The following TTC4 variants were observed in gnomAD, a reference collection of about 807,000 sequenced individuals.
TTC4 encodes the protein tetratricopeptide repeat domain 4, also known as hsp70/Hsp90 co-chaperone CNS1 homolog.
TTC4 carries 36 observed loss-of-function variants against 51.9 expected under a neutral mutation model. The ratio of observed to expected loss-of-function variants is 0.69; its 90% CI spans 0.53 to 0.92. The LOEUF is 0.92. TTC4 is among the 40% of genes least tolerant of loss of function. The pLI, the probability that TTC4 is intolerant of heterozygous loss-of-function variation, is 0.00. For synonymous variants in TTC4, 144 were observed against 164.2 expected, an observed-to-expected ratio of 0.88 and a Z score of 0.94; for missense variants, 399 against 454.6, an observed-to-expected ratio of 0.88 and a Z score of 1.11.
chr1:54,715,901 C>G lies in TTC4; in HGVS notation c.-8C>G, dbSNP rs763069486. 17 of 1,596,738 alleles carry G rather than the reference C, an allele frequency of 1.1e-5. No individual in the cohort carries two copies. In the African/African-American group the frequency reaches 1.2e-4, roughly 11 times the overall value. On this transcript the variant is annotated 5_prime_UTR_variant, in exon 1 of 10. Coordinates refer to ENST00000371281, the MANE Select transcript of TTC4 (RefSeq NM_004623.5). ...CTGGGACCCGGGCTGGAAGGCAGGG[C>G]ATCAGCTATGGAACAACCTGGGCAG...
At chr1:54,726,743 G>T (rs1041707616) in intron 5 of TTC4, among the ~76,000 whole-genome samples, 4 of 152,124 alleles carry the variant, frequency 2.6e-5, no homozygotes, top group Non-Finnish European at 4.4e-5. Context: ...TTGTTAGATG[G>T]CAATACTCCC....
intron 5 of TTC4, among the ~76,000 whole-genome samples, chr1:54,724,028 C>T (rs1413267896): frequency 6.6e-6 from 1 of 152,218 alleles, no homozygotes; most frequent in Middle Eastern, 3.4e-3. Flanking sequence ...GAATGAATGT[C>T]TAGAGGGCTA....
At chr1:54,716,393 T>C (rs189642828) in intron 1 of TTC4, among the ~76,000 whole-genome samples, 106 of 152,364 alleles carry the variant, frequency 7.0e-4, no homozygotes, top group African/African-American at 2.5e-3. Flanking sequence ...CCTGCCGCTC[T>C]TGTAGAATGT....
Position 54,716,738 on chromosome 1 carries a change from T to C in TTC4, c.229+21T>C, listed in dbSNP as rs773845497. ...AGAAGGTATCTTAACATGACTAATA[T>C]TTGTTTTGTGTTTCCATTGAACTGA... On this transcript the variant is annotated intron_variant, in intron 2 of 9. Transcript: ENST00000371281. 4.4e-6 allele frequency: 7 copies of C among 1,580,336 alleles called. No individual in the cohort carries two copies. The African/African-American group carries it at 5.4e-5, about 12-fold the overall frequency.
chr1:54,723,110 CTGTGTTTAGA>C lies in TTC4; in HGVS notation c.594+321_594+330del, dbSNP rs553015512. ...ATGCCATATTTTAACTGTGCTTTTT[CTGTGTTTAGA>C]TGTGTTTAGCTACACAGATACTTAC... On this transcript the variant is annotated intron_variant, in intron 5 of 9. Transcript: ENST00000371281. Among the ~76,000 whole-genome samples the C allele has an allele frequency of 1.6e-3, 248 of 152,220 alleles. 1 individual carries two copies. Among genetic ancestry groups the C allele is most frequent in the South Asian group, 4.6e-3 (22 of 4,826 alleles).
At position 54,716,711 on chromosome 1, in the gene TTC4, C is replaced by T. The variant is rs1318707478; in HGVS notation, c.223C>T (p.Pro75Ser). ...QSIIFDEERS[P>S]EEQAKTYKDE... ...AATTATTTTTGATGAGGAGCGTTCT[C>T]CAGAAGGTATCTTAACATGACTAAT... is the stretch of plus-strand genomic sequence containing the variant. Residue 75 changes from proline to serine, a missense_variant, in exon 2 of 10, where the codon CCA (proline) becomes TCA (serine). By Grantham distance (74) the Pro-to-Ser change is moderately conservative. Coordinates refer to ENST00000371281, the MANE Select transcript of TTC4 (RefSeq NM_004623.5). 1.9e-6 allele frequency: 3 copies of T among 1,609,726 alleles called. No homozygotes were observed. Among genetic ancestry groups the T allele is most frequent in the African/African-American group, 2.7e-5 (2 of 74,758 alleles).
chr1:54,726,427 C>T lies in TTC4; in HGVS notation c.595-1919C>T, dbSNP rs143357290. Among the ~76,000 whole-genome samples, 340 of 152,164 alleles carry T rather than the reference C, an allele frequency of 2.2e-3. 2 individuals carry two copies. The Middle Eastern group carries it at 0.024, about 11-fold the overall frequency. ...ACCATCTATATGCAGACAACTTGAC[C>T]GTGTATATAGAAAATCCTAAGGGAT... On this transcript the variant is annotated intron_variant, in intron 5 of 9. Transcript: ENST00000371281.
At chr1:54,740,193 C>CATA (rs1645995645) in intron 9 of TTC4, among the ~76,000 whole-genome samples, 1 of 152,110 alleles carries the variant, frequency 6.6e-6, no homozygotes, top group African/African-American at 2.4e-5. Flanking sequence ...AAAAAAATTA[C>CATA]AGAGTAATGT....
At chr1:54,738,199 T>C (rs1408344212) in intron 9 of TTC4, among the ~76,000 whole-genome samples, 1 of 152,082 alleles carries the variant, frequency 6.6e-6, no homozygotes, top group East Asian at 1.9e-4. Flanking sequence ...CCACTCCCGG[T>C]CAAAAACTCC....
chr1:54,728,051 G>A lies in TTC4; in HGVS notation c.595-295G>A, dbSNP rs192528041. On this transcript the variant is annotated intron_variant, in intron 5 of 9. Coordinates refer to ENST00000371281, the MANE Select transcript of TTC4 (RefSeq NM_004623.5). Reference sequence around the variant, plus strand: ...GCACTCGGATCACACGACCAGAGTAGTACATAATCCACCTGTTATACTGGC... The same window carrying A: ...GCACTCGGATCACACGACCAGAGTAATACATAATCCACCTGTTATACTGGC... Among the ~76,000 whole-genome samples, 3 of 152,320 alleles carry A rather than the reference G, an allele frequency of 2.0e-5. No homozygotes were observed. The East Asian group carries it at 5.8e-4, about 29-fold the overall frequency.
chr1:54,730,395 G>A (rs1015263150), intron 6 of TTC4, among the ~76,000 whole-genome samples: 4 of 151,238 alleles, frequency 2.6e-5, no homozygotes, highest in Admixed American at 1.3e-4. Flanking sequence ...TTTTACTAAT[G>A]GTTAAAGGGA....
Position 54,722,126 on chromosome 1 carries a change from G to GA in TTC4, c.470-546dup, listed in dbSNP as rs1206505846. ...TGGAGAAAAATGTACATGATAACAT[G>GA]AAATTTTTTTTTTTTTTTTTGATGG... is the stretch of plus-strand genomic sequence containing the variant. On this transcript the variant is annotated intron_variant, in intron 4 of 9. Coordinates refer to ENST00000371281, the MANE Select transcript of TTC4 (RefSeq NM_004623.5). Among the ~76,000 whole-genome samples, 550 of 129,186 alleles carry GA rather than the reference G, an allele frequency of 4.3e-3. 3 individuals carry two copies. The highest frequency in any genetic ancestry group is 6.7e-3 in the Non-Finnish European group (407 of 60,634). 84.8% of individuals were successfully genotyped at this position (129,186 alleles called of 152,430 possible).
At chr1:54,728,041 G>A (rs6588529) in intron 5 of TTC4, among the ~76,000 whole-genome samples, 1 of 152,028 alleles carries the variant, frequency 6.6e-6, no homozygotes, top group Non-Finnish European at 1.5e-5. Context: ...CGGATCACAC[G>A]ACCAGAGTAG....
At chr1:54,719,834 A>G (rs1026450339) in intron 3 of TTC4, among the ~76,000 whole-genome samples, 1 of 152,182 alleles carries the variant, frequency 6.6e-6, no homozygotes, top group East Asian at 1.9e-4. Context: ...ACGATTTGGC[A>G]AACTAGGACT....
chr1:54,721,040 A>C (rs1645737832), intron 3 of TTC4, 123 bp from the exon 4 acceptor site: 1 of 895,534 alleles, frequency 1.1e-6, no homozygotes, highest in Non-Finnish European at 1.7e-6. Flanking sequence ...TTTTTCAAAA[A>C]AACAGTTGCT....
chr1:54,719,924 A>C (rs1645722913), intron 3 of TTC4, among the ~76,000 whole-genome samples: 1 of 148,336 alleles, frequency 6.7e-6, no homozygotes, highest in East Asian at 2.0e-4. Context: ...TTAAAGTGAC[A>C]GGGTCTTACT....
At chr1:54,721,369 C>T in intron 4 of TTC4, 129 bp downstream of exon 4, 7 of 720,554 alleles carry the variant, frequency 9.7e-6, no homozygotes, top group Non-Finnish European at 1.5e-5. Context: ...CAACATGCCA[C>T]TTTTAAAAGA....
chr1:54,722,806 G>T lies in TTC4; in HGVS notation c.594+7G>T. 6.2e-7 allele frequency: 1 copy of T among 1,612,722 alleles called. No homozygotes were observed. The highest frequency in any genetic ancestry group is 1.1e-5 in the South Asian group (1 of 90,660). ...TAAAGCAGACAAGCTGAAGGTTGGTGACTGTCAGCAACCAATTAGCATTTG... is the reference window on the plus strand; with the variant it reads ...TAAAGCAGACAAGCTGAAGGTTGGTTACTGTCAGCAACCAATTAGCATTTG... On this transcript the variant is annotated splice_region_variant and intron_variant, in intron 5 of 9. Coordinates refer to ENST00000371281, the MANE Select transcript of TTC4 (RefSeq NM_004623.5).
At chr1:54,717,394 G>T in intron 2 of TTC4, 98 bp from the exon 3 acceptor site, 1 of 1,106,264 alleles carries the variant, frequency 9.0e-7, no homozygotes, top group Non-Finnish European at 1.2e-6. Context: ...TCTTCGCTTT[G>T]GTGTGTCATA....
Sources: allele counts gnomAD v4.1 joint callset (sites outside exome capture counted in the v4.1 genomes callset), GRCh38; gene constraint gnomAD v4.1.1; transcripts MANE v1.5; gene names NCBI Gene and HGNC (gene_info 2026-07-23, HGNC 2026-07-21).